TOLLIP: variants seen among roughly 807,000 people sequenced by gnomAD.
TOLLIP encodes toll-interacting protein.
A neutral mutation model predicts 33.5 loss-of-function variants in TOLLIP; 16 were observed. The ratio of observed to expected loss-of-function variants is 0.48; its 90% CI spans 0.32 to 0.72. The LOEUF (loss-of-function observed/expected upper bound fraction) is 0.72. TOLLIP is among the 30% of genes least tolerant of loss of function. The pLI is 0.03. For missense variants in TOLLIP, 325 were observed against 396.6 expected (o/e 0.82, Z 1.53); for synonymous variants, 176 against 163.7 (o/e 1.07, Z -0.57).
In TOLLIP at chr11:1,276,722, C is replaced by A. The variant is rs779585038; in HGVS notation, c.*317G>T. On this transcript the variant is annotated 3_prime_UTR_variant, in exon 6 of 6. Coordinates refer to ENST00000317204, the MANE Select transcript of TOLLIP (RefSeq NM_019009.4). ...CGCTCCACCACCTCCAACACCCTGG[C>A]AGAAGCAGCTGCTCTCTACAGCAAG... 28 of 1,441,312 alleles carry A rather than the reference C, an allele frequency of 1.9e-5. No homozygotes were observed. The highest frequency in any genetic ancestry group is 3.6e-4 in the Middle Eastern group (2 of 5,570). 89.3% of individuals were successfully genotyped at this position (1,441,312 alleles called of 1,614,324 possible). A position where few individuals can be genotyped will look rare whatever the true frequency, so the allele number is the denominator to read the frequency against.
intron 1 of TOLLIP, among the ~76,000 whole-genome samples, chr11:1,308,980 A>G (rs56178536): frequency 7.3e-6 from 1 of 136,944 alleles, no homozygotes. Flanking sequence ...CAGGGCCCGC[A>G]TCCATCTAGG....
At chr11:1,307,852 A>G (rs1864459482) in intron 1 of TOLLIP, among the ~76,000 whole-genome samples, 2 of 152,236 alleles carry the variant, frequency 1.3e-5, no homozygotes, top group African/African-American at 2.4e-5. Context: ...AAGTCCTCAG[A>G]AAAAGCAGCT....
rs72846381 is a variant in TOLLIP, at chr11:1,285,998, G to A, written c.610+4C>T. 9.7e-3 allele frequency: 15,395 copies of A among 1,587,120 alleles called. 79 individuals carry two copies. The highest frequency in any genetic ancestry group is 0.011 in the Non-Finnish European group (12,365 of 1,167,566). ...AGAGGCACCCAGGGAGGGAGCACAC[G>A]CACCTGTGATGGGCACATAGCCAAC... On this transcript the variant is annotated splice_donor_region_variant and intron_variant, in intron 5 of 5. Transcript: ENST00000317204.
At chr11:1,288,962 C>T (rs972727931) in intron 3 of TOLLIP, among the ~76,000 whole-genome samples, 186 bp from the exon 4 acceptor site, 3 of 152,244 alleles carry the variant, frequency 2.0e-5, no homozygotes, top group African/African-American at 7.2e-5. Context: ...TATCAGCCTC[C>T]GTAGGGGACT....
Position 1,276,293 on chromosome 11 carries a change from A to G in TOLLIP, c.*746T>C. 1 of 223,112 alleles carries G rather than the reference A, an allele frequency of 4.5e-6. No homozygotes were observed. Among genetic ancestry groups the G allele is most frequent in the Non-Finnish European group, 9.0e-6 (1 of 110,512 alleles). 13.8% of individuals were successfully genotyped at this position (223,112 alleles called of 1,614,324 possible). A position where few individuals can be genotyped will look rare whatever the true frequency, so the allele number is the denominator to read the frequency against. On this transcript the variant is annotated 3_prime_UTR_variant, in exon 6 of 6. Transcript: ENST00000317204. ...ACGGAGCTGGCACGAGCGCAGCAGG[A>G]GAGACGGACGGCAGCCTCCGGCGGG...
Position 1,287,577 on chromosome 11 carries a change from CCCTCCCCGCCGCAG to C in TOLLIP, c.519+1033_519+1046del, listed in dbSNP as rs1590213831. ...TCCCCGCCGCAGCCTCCCCGCCGCA[CCCTCCCCGCCGCAG>C]CCTCCCCGCCGCACCCTCCCCGCCG... On this transcript the variant is annotated intron_variant, in intron 4 of 5. Transcript: ENST00000317204. Among the ~76,000 whole-genome samples the C allele has an allele frequency of 7.3e-3, 26 of 3,574 alleles. 3 individuals carry two copies. Among genetic ancestry groups the C allele is most frequent in the Admixed American group, 0.031 (9 of 286 alleles). The allele number at this position is 3,574 out of a possible 152,430, so 2.3% of individuals were successfully genotyped here.
Position 1,309,538 on chromosome 11 carries a change from G to T in TOLLIP, c.-40C>A. 1 of 1,260,390 alleles carries T rather than the reference G, an allele frequency of 7.9e-7. No individual in the cohort carries two copies. Among genetic ancestry groups the T allele is most frequent in the South Asian group, 2.2e-5 (1 of 45,134 alleles). 78.1% of individuals were successfully genotyped at this position (1,260,390 alleles called of 1,614,324 possible). On this transcript the variant is annotated 5_prime_UTR_variant, in exon 1 of 6. Transcript: ENST00000317204. ...CCCCGTGGCTCGCCGACCCGACAGT[G>T]ACGCGCCGGGCGACCTCCTGCGCCC...
At chr11:1,283,666 G>A in intron 5 of TOLLIP, 2 of 436,232 alleles carry the variant, frequency 4.6e-6, no homozygotes, top group South Asian at 3.3e-5. Flanking sequence ...AAACTTGAAA[G>A]GCATCTACAA....
At chr11:1,304,843 A>G (rs1299872478) in intron 1 of TOLLIP, among the ~76,000 whole-genome samples, 1 of 152,242 alleles carries the variant, frequency 6.6e-6, no homozygotes, top group African/African-American at 2.4e-5. Flanking sequence ...ACCAAAGAAA[A>G]CATGTAAAAA....
intron 3 of TOLLIP, chr11:1,289,978 C>T (rs1165985860): frequency 9.8e-6 from 5 of 512,678 alleles, no homozygotes; most frequent in African/African-American, 1.9e-5. Context: ...GACACGTGCA[C>T]GCTGTATCCC....
chr11:1,286,158 C>T (rs1025972946), intron 4 of TOLLIP, 66 bp from the exon 5 acceptor site: 16 of 1,300,084 alleles, frequency 1.2e-5, no homozygotes, highest in Admixed American at 2.0e-5. Context: ...CCTCGGGAAT[C>T]GCCCTCCCCA....
chr11:1,279,641 C>T (rs996364206), intron 5 of TOLLIP, among the ~76,000 whole-genome samples: 3 of 152,220 alleles, frequency 2.0e-5, no homozygotes, highest in East Asian at 3.9e-4. Context: ...CGCACGCGGA[C>T]GGATGTGCAG....
At chr11:1,302,654 C>T (rs1864317314) in intron 1 of TOLLIP, 1 of 987,640 alleles carries the variant, frequency 1.0e-6, no homozygotes, top group Non-Finnish European at 1.2e-6. Flanking sequence ...TGACACTCCC[C>T]AAAACCCACT....
At chr11:1,288,006 G>A (rs1863801656) in intron 4 of TOLLIP, among the ~76,000 whole-genome samples, 1 of 152,030 alleles carries the variant, frequency 6.6e-6, no homozygotes. Flanking sequence ...AGACGAGACG[G>A]CAGGAGCTCT....
chr11:1,287,484 C>T (rs1352401522), intron 4 of TOLLIP, among the ~76,000 whole-genome samples: 2 of 31,558 alleles, frequency 6.3e-5, no homozygotes, highest in Non-Finnish European at 1.3e-4. Context: ...CCGCACCCTC[C>T]CCGCCGCACC....
chr11:1,295,321 G>A (rs1006883454), intron 2 of TOLLIP: 15 of 234,846 alleles, frequency 6.4e-5, no homozygotes, highest in African/African-American at 2.0e-4. Flanking sequence ...CGGGGGTGCC[G>A]GCCGCGCCTC....
intron 1 of TOLLIP, among the ~76,000 whole-genome samples, chr11:1,307,180 G>T (rs1864441991): frequency 1.3e-5 from 2 of 152,178 alleles, no homozygotes; most frequent in African/African-American, 4.8e-5. Flanking sequence ...CAACACCTGA[G>T]ACCCCCGTCG....
intron 1 of TOLLIP, among the ~76,000 whole-genome samples, chr11:1,299,868 G>A (rs5743920): frequency 0.069 from 10,551 of 152,244 alleles, 445 homozygotes; most frequent in Middle Eastern, 0.11. Context: ...GCATCGCCAC[G>A]CGGCCTCACC....
At position 1,306,728 on chromosome 11, in the gene TOLLIP, G is replaced by C. The variant is rs777046915; in HGVS notation, c.33+2738C>G. Among the ~76,000 whole-genome samples, 62 of 152,046 alleles carry C rather than the reference G, an allele frequency of 4.1e-4. 1 individual carries two copies. Among genetic ancestry groups the C allele is most frequent in the Admixed American group, 1.3e-3 (20 of 15,286 alleles). ...TGTGCCAGGCAACACTTTACAGAGTGCTGCGCTGAGCCGGTAAACTCCAGG... is the reference window on the plus strand; with the variant it reads ...TGTGCCAGGCAACACTTTACAGAGTCCTGCGCTGAGCCGGTAAACTCCAGG... On this transcript the variant is annotated intron_variant, in intron 1 of 5. Transcript: ENST00000317204.
Sources: gnomAD v4.1 joint callset for allele counts (sites outside exome capture counted in the v4.1 genomes callset) on GRCh38, gnomAD v4.1.1 for gene constraint, MANE v1.5 for transcripts, NCBI Gene and HGNC (gene_info 2026-07-23, HGNC 2026-07-21) for gene names.